PBX3: variants seen among roughly 807,000 people sequenced by gnomAD.
The protein encoded by PBX3 is pre-B-cell leukemia transcription factor 3.
A neutral mutation model predicts 48.5 loss-of-function variants in PBX3; 14 were observed. The observed-to-expected ratio is 0.29, with a 90% CI of 0.19 to 0.45. The LOEUF is 0.45. Ranked by LOEUF, PBX3 falls within the 20% of genes least tolerant of loss-of-function variation. The pLI, the probability that PBX3 is intolerant of heterozygous loss-of-function variation, is 1.00. For missense variants in PBX3, 386 were observed against 546.7 expected (o/e 0.71, Z 2.93); for synonymous variants, 210 against 200.3 (o/e 1.05, Z -0.41).
At chr9:125,870,870 T>C (rs1044127636) in intron 2 of PBX3, among the ~76,000 whole-genome samples, 2 of 152,168 alleles carry the variant, frequency 1.3e-5, no homozygotes, top group African/African-American at 4.8e-5. Flanking sequence ...CAAAGTCTTA[T>C]AATACCAAGT....
intron 2 of PBX3, among the ~76,000 whole-genome samples, chr9:125,775,332 T>C (rs1837044447): frequency 6.6e-6 from 1 of 152,240 alleles, no homozygotes; most frequent in Non-Finnish European, 1.5e-5. Context: ...TGGAAAAATA[T>C]CTGTTCAAAT....
intron 2 of PBX3, among the ~76,000 whole-genome samples, chr9:125,763,872 A>G (rs1836734362): frequency 6.6e-6 from 1 of 152,194 alleles, no homozygotes; most frequent in South Asian, 2.1e-4. Flanking sequence ...TTTATTTCAT[A>G]AATATTATGA....
At chr9:125,780,408 G>A (rs1837232224) in intron 2 of PBX3, among the ~76,000 whole-genome samples, 1 of 76,978 alleles carries the variant, frequency 1.3e-5, no homozygotes, top group Admixed American at 1.2e-4. Flanking sequence ...TGGCCGGGCG[G>A]GGGGCTGACC....
In PBX3 at chr9:125,960,863, G is replaced by C; in HGVS notation, c.1009+14G>C. On this transcript the variant is annotated intron_variant, in intron 6 of 8. Transcript: ENST00000373489. ...CACCAAATTCCGGTGCGTACTGGGGGCTCGCTCCCCAACTGGCCCAGGCAG... is the reference window on the plus strand; with the variant it reads ...CACCAAATTCCGGTGCGTACTGGGGCCTCGCTCCCCAACTGGCCCAGGCAG... 6.2e-7 allele frequency: 1 copy of C among 1,608,708 alleles called. No individual in the cohort carries two copies. Among genetic ancestry groups the C allele is most frequent in the Non-Finnish European group, 8.5e-7 (1 of 1,176,252 alleles).
chr9:125,781,682 T>A (rs895337880), intron 2 of PBX3, among the ~76,000 whole-genome samples: 1 of 152,184 alleles, frequency 6.6e-6, no homozygotes, highest in African/African-American at 2.4e-5. Context: ...GTTTTTCTGT[T>A]CTGTGTTTTG....
chr9:125,963,259 T>TG (rs1842469077), intron 8 of PBX3, among the ~76,000 whole-genome samples, 158 bp downstream of exon 8: 1 of 152,220 alleles, frequency 6.6e-6, no homozygotes, highest in African/African-American at 2.4e-5. Context: ...AAATGCTTGA[T>TG]GCCGTCTAGA....
chr9:125,822,314 T>C, intron 2 of PBX3, among the ~76,000 whole-genome samples: 1 of 152,180 alleles, frequency 6.6e-6, no homozygotes, highest in East Asian at 1.9e-4. Context: ...GAATGGACTT[T>C]GTCTGTTCTA....
rs1404544469 is a variant in PBX3, at chr9:125,759,447, G to A, written c.274+10824G>A. 6.6e-6 allele frequency among the ~76,000 whole-genome samples: 1 copy of A among 152,174 alleles called. No homozygotes were observed. Among genetic ancestry groups the A allele is most frequent in the Non-Finnish European group, 1.5e-5 (1 of 68,038 alleles). On this transcript the variant is annotated intron_variant, in intron 2 of 8. Transcript: ENST00000373489. The surrounding 1 kb of genome is among the most constrained non-coding windows in gnomAD (Gnocchi z 4.2). ...TCCTATTTGTTGTGCAAGGGAATTGGAACAGTGAGGCATTTATCATATCAT... is the reference window on the plus strand; with the variant it reads ...TCCTATTTGTTGTGCAAGGGAATTGAAACAGTGAGGCATTTATCATATCAT...
chr9:125,748,267 C>T, intron 1 of PBX3: 6 of 1,070,246 alleles, frequency 5.6e-6, no homozygotes, highest in Non-Finnish European at 6.8e-6. Context: ...TTCGCCTGCC[C>T]CCGGGGCGAG....
At chr9:125,768,044 G>T (rs1472369417) in intron 2 of PBX3, among the ~76,000 whole-genome samples, 2 of 151,524 alleles carry the variant, frequency 1.3e-5, no homozygotes, top group Non-Finnish European at 2.9e-5. Context: ...GAACTTATTT[G>T]GTAATTAGCA....
chr9:125,960,125 C>T (rs967524796), intron 5 of PBX3, among the ~76,000 whole-genome samples: 2 of 152,212 alleles, frequency 1.3e-5, no homozygotes, highest in Non-Finnish European at 2.9e-5. Context: ...GTGACCTTCC[C>T]ACATGTTAAC....
chr9:125,786,660 A>G (rs1447000771), intron 2 of PBX3, among the ~76,000 whole-genome samples: 1 of 152,162 alleles, frequency 6.6e-6, no homozygotes, highest in Non-Finnish European at 1.5e-5. Flanking sequence ...GTTGGCTTTC[A>G]GTAGATGTCG....
At chr9:125,899,244 CATATGTATATATATTTATATATAAAT>C (rs1564163111) in intron 2 of PBX3, among the ~76,000 whole-genome samples, 1,856 of 122,666 alleles carry the variant, frequency 0.015, 154 homozygotes, top group East Asian at 0.13. Context: ...TATAAATATA[CATATGTATATATATTTATATATAAAT>C]ATACATATGT....
At chr9:125,800,625 C>T (rs1837911768) in intron 2 of PBX3, among the ~76,000 whole-genome samples, 1 of 152,008 alleles carries the variant, frequency 6.6e-6, no homozygotes, top group South Asian at 2.1e-4. Context: ...TTTCTCTATC[C>T]AGGAGAAGTT....
chr9:125,810,743 A>G lies in PBX3; in HGVS notation c.274+62120A>G, dbSNP rs145859877. Among the ~76,000 whole-genome samples, 521 of 152,318 alleles carry G rather than the reference A, an allele frequency of 3.4e-3. 1 individual carries two copies. The highest frequency in any genetic ancestry group is 6.2e-3 in the Admixed American group (95 of 15,292). On this transcript the variant is annotated intron_variant, in intron 2 of 8. Transcript: ENST00000373489. ...CAGGCATATGACACAGAGCCAGCCAATCAGATGCAGTCACCTGAGTTTGGA... is the reference window on the plus strand; with the variant it reads ...CAGGCATATGACACAGAGCCAGCCAGTCAGATGCAGTCACCTGAGTTTGGA...
intron 5 of PBX3, among the ~76,000 whole-genome samples, chr9:125,937,664 G>T (rs1165215048): frequency 6.6e-6 from 1 of 152,110 alleles, no homozygotes; most frequent in Non-Finnish European, 1.5e-5. Flanking sequence ...AACTGCTTTT[G>T]CTTTTTCTTT....
At chr9:125,761,291 G>A (rs1417542822) in intron 2 of PBX3, among the ~76,000 whole-genome samples, 1 of 151,538 alleles carries the variant, frequency 6.6e-6, no homozygotes, top group East Asian at 1.9e-4. Flanking sequence ...TTTAATATTG[G>A]TTAACTTTTT....
intron 2 of PBX3, among the ~76,000 whole-genome samples, chr9:125,902,622 AATAT>A (rs1471519197): frequency 6.6e-6 from 1 of 151,764 alleles, no homozygotes; most frequent in Non-Finnish European, 1.5e-5. Flanking sequence ...AAAATATTTC[AATAT>A]GAATAGCTAC....
At chr9:125,944,870 T>C (rs1363997177) in intron 5 of PBX3, among the ~76,000 whole-genome samples, 2 of 152,136 alleles carry the variant, frequency 1.3e-5, no homozygotes, top group African/African-American at 4.8e-5. Flanking sequence ...TCAGTGACCT[T>C]GGGCAAGTCA....
Sources: allele counts gnomAD v4.1 joint callset (sites outside exome capture counted in the v4.1 genomes callset), GRCh38; gene constraint gnomAD v4.1.1; non-coding constraint Gnocchi (gnomAD v3.1); transcripts MANE v1.5; gene names NCBI Gene and HGNC (gene_info 2026-07-23, HGNC 2026-07-21).